The following AGAP1 variants were observed in gnomAD, a reference collection of about 807,000 sequenced individuals.
The protein encoded by AGAP1 is ArfGAP with GTPase domain, ankyrin repeat and PH domain 1, also known as arf-GAP with GTPase, ANK repeat and PH domain-containing protein 1.
A neutral mutation model predicts 105.3 loss-of-function variants in AGAP1; 29 were observed. That is an observed-to-expected ratio of 0.28 (90% CI 0.21 to 0.38). The LOEUF is 0.38. Among genes scored for constraint, AGAP1 ranks in the 10% least tolerant of loss-of-function variants. The pLI is 1.00. For missense variants in AGAP1, 998 were observed against 1,165.1 expected (o/e 0.86, Z 2.09); for synonymous variants, 509 against 485.9 (o/e 1.05, Z -0.63).
At position 235,737,730 on chromosome 2, in the gene AGAP1, G is replaced by A. The variant is rs115917601; in HGVS notation, c.311-3233G>A. Among the ~76,000 whole-genome samples the A allele has an allele frequency of 9.4e-3, 1,424 of 152,168 alleles. 18 individuals are homozygous for A. Among genetic ancestry groups the A allele is most frequent in the African/African-American group, 0.031 (1,276 of 41,508 alleles). On this transcript the variant is annotated intron_variant, in intron 3 of 17. Coordinates refer to ENST00000304032, the MANE Select transcript of AGAP1 (RefSeq NM_001037131.3). This position sits in a 1 kb window ranked among gnomAD's most constrained non-coding sequence, Gnocchi z 4.5. ...CATTCCACGAGAGCTGGGTGGTGAC[G>A]CTCCCCAAGTTCCCACTCCTGGAGA... is the stretch of plus-strand genomic sequence containing the variant.
At chr2:235,504,274 G>T (rs1448884110) in intron 1 of AGAP1, among the ~76,000 whole-genome samples, 2 of 152,200 alleles carry the variant, frequency 1.3e-5, no homozygotes, top group African/African-American at 4.8e-5. Context: ...CTGTCGTGAG[G>T]GTCGTTAGAA....
Position 235,992,236 on chromosome 2 carries a change from G to A in AGAP1, c.1645+23613G>A, listed in dbSNP as rs536123644. Among the ~76,000 whole-genome samples the A allele has an allele frequency of 3.7e-4, 56 of 152,174 alleles. No homozygotes were observed. The highest frequency in any genetic ancestry group is 1.2e-3 in the African/African-American group (49 of 41,546). On this transcript the variant is annotated intron_variant, in intron 13 of 17. Transcript: ENST00000304032. This position sits in a 1 kb window ranked among gnomAD's most constrained non-coding sequence, Gnocchi z 4.8. The stretch of plus-strand genomic sequence containing the variant: ...GGGTCCATGTTGCGTGGTTAGGAGC[G>A]CAGCGGAGGAGCCGGTCTTCCTGGG...
rs930592326 is a variant in AGAP1 at position 235,715,580 on chromosome 2, A to T, written c.223-1977A>T. On this transcript the variant is annotated intron_variant, in intron 2 of 17. Coordinates refer to ENST00000304032, the MANE Select transcript of AGAP1 (RefSeq NM_001037131.3). Reference sequence around the variant, plus strand: ...TGTGTGCGAGGATTTGGAAGGAGACAGTTTGTTCCTAAAATGTTTGGAGTT... The same window carrying T: ...TGTGTGCGAGGATTTGGAAGGAGACTGTTTGTTCCTAAAATGTTTGGAGTT... Among the ~76,000 whole-genome samples the T allele has an allele frequency of 2.0e-5, 3 of 152,290 alleles. No individual in the cohort carries two copies. In the East Asian group the frequency reaches 5.8e-4, roughly 29 times the overall value.
At position 235,609,614 on chromosome 2, in the gene AGAP1, A is replaced by G. The variant is rs1574957490; in HGVS notation, c.164-99565A>G. On this transcript the variant is annotated intron_variant, in intron 1 of 17. Coordinates refer to ENST00000304032, the MANE Select transcript of AGAP1 (RefSeq NM_001037131.3). The surrounding 1 kb of genome is among the most constrained non-coding windows in gnomAD (Gnocchi z 5.1). ...CCTGCATGCGCGCTGAGGATGGCAG[A>G]GGGGCTCCTGCCTGTCTCAGTGCTC... 6.6e-6 allele frequency among the ~76,000 whole-genome samples: 1 copy of G among 152,140 alleles called. No individual in the cohort carries two copies. The highest frequency in any genetic ancestry group is 3.4e-3 in the Middle Eastern group (1 of 294).
Position 235,754,146 on chromosome 2 carries a change from C to T in AGAP1, c.673+3658C>T, listed in dbSNP as rs966870562. Among the ~76,000 whole-genome samples the T allele has an allele frequency of 1.3e-4, 20 of 152,264 alleles. No individual in the cohort carries two copies. Among genetic ancestry groups the T allele is most frequent in the African/African-American group, 3.9e-4 (16 of 41,552 alleles). On this transcript the variant is annotated intron_variant, in intron 6 of 17. Coordinates refer to ENST00000304032, the MANE Select transcript of AGAP1 (RefSeq NM_001037131.3). The surrounding 1 kb of genome is among the most constrained non-coding windows in gnomAD (Gnocchi z 4.6). Reference sequence around the variant, plus strand: ...GAGAGCCTCGACTTAACCACAGCACCGGGACATTTTGTCATTAAAATGGAA... The same window carrying T: ...GAGAGCCTCGACTTAACCACAGCACTGGGACATTTTGTCATTAAAATGGAA...
chr2:235,698,576 T>C (rs996604543), intron 1 of AGAP1, among the ~76,000 whole-genome samples: 3 of 152,232 alleles, frequency 2.0e-5, no homozygotes, highest in African/African-American at 7.2e-5. Context: ...TTAAAATGTT[T>C]TAAAGCATTC....
Position 236,019,911 on chromosome 2 carries a change from C to T in AGAP1, c.1646-16650C>T, listed in dbSNP as rs143879721. 5.8e-3 allele frequency among the ~76,000 whole-genome samples: 880 copies of T among 152,356 alleles called. 3 individuals are homozygous for T. Among genetic ancestry groups the T allele is most frequent in the African/African-American group, 0.02 (830 of 41,586 alleles). On this transcript the variant is annotated intron_variant, in intron 13 of 17. Coordinates refer to ENST00000304032, the MANE Select transcript of AGAP1 (RefSeq NM_001037131.3). The stretch of plus-strand genomic sequence containing the variant: ...TCTCCCCAGTGCCCCGTGTGGGTCC[C>T]CACTGTGAGAGGCTGCCTTCCAGAA...
At chr2:235,516,068 C>CTGCTGG (rs1394411270) in intron 1 of AGAP1, among the ~76,000 whole-genome samples, 1 of 96,970 alleles carries the variant, frequency 1.0e-5, no homozygotes, top group Non-Finnish European at 2.2e-5. Flanking sequence ...GCTGCTGCTG[C>CTGCTGG]TGCTGCTGCT....
At position 235,769,583 on chromosome 2, in the gene AGAP1, C is replaced by T. The variant is rs928066137; in HGVS notation, c.673+19095C>T. Among the ~76,000 whole-genome samples the T allele has an allele frequency of 3.3e-5, 5 of 152,116 alleles. No homozygotes were observed. Among genetic ancestry groups the T allele is most frequent in the African/African-American group, 4.8e-5 (2 of 41,414 alleles). Reference sequence around the variant, plus strand: ...GTTAGTTGTTCCGTTCATGCTGTTGCGTGAGATAAGTTAGGATGCTCTTGA... The same window carrying T: ...GTTAGTTGTTCCGTTCATGCTGTTGTGTGAGATAAGTTAGGATGCTCTTGA... On this transcript the variant is annotated intron_variant, in intron 6 of 17. Transcript: ENST00000304032. This position sits in a 1 kb window ranked among gnomAD's most constrained non-coding sequence, Gnocchi z 4.4.
At position 235,887,198 on chromosome 2, in the gene AGAP1, C is replaced by T. The variant is rs1271714097; in HGVS notation, c.1155+3749C>T. 2.0e-5 allele frequency among the ~76,000 whole-genome samples: 3 copies of T among 152,140 alleles called. No homozygotes were observed. Among genetic ancestry groups the T allele is most frequent in the Admixed American group, 1.3e-4 (2 of 15,284 alleles). ...CCTTGGCTATCTCCAGGATGTATTA[C>T]GGCAGAAGGACCACTGAGAGTCATT... On this transcript the variant is annotated intron_variant, in intron 10 of 17. Transcript: ENST00000304032. This position sits in a 1 kb window ranked among gnomAD's most constrained non-coding sequence, Gnocchi z 4.1.
rs925501744 is a variant in AGAP1 at position 235,787,629 on chromosome 2, G to A, written c.674-10130G>A. On this transcript the variant is annotated intron_variant, in intron 6 of 17. Transcript: ENST00000304032. This position sits in a 1 kb window ranked among gnomAD's most constrained non-coding sequence, Gnocchi z 4.4. ...CTAGCAAATTGCCTGGCATATACTA[G>A]TTGCTCAATAAAAACAGTCAGTAAA... Among the ~76,000 whole-genome samples, 3 of 152,186 alleles carry A rather than the reference G, an allele frequency of 2.0e-5. No individual in the cohort carries two copies. The highest frequency in any genetic ancestry group is 7.2e-5 in the African/African-American group (3 of 41,450).
intron 1 of AGAP1, among the ~76,000 whole-genome samples, chr2:235,522,650 T>C (rs1184483202): frequency 3.9e-5 from 6 of 151,994 alleles, no homozygotes; most frequent in African/African-American, 1.5e-4. Flanking sequence ...GTGATGCCGA[T>C]GAAGAGGCTG....
Position 236,038,444 on chromosome 2 carries a change from C to T in AGAP1, c.1800+1729C>T, listed in dbSNP as rs1039210505. Among the ~76,000 whole-genome samples, 1 of 152,172 alleles carries T rather than the reference C, an allele frequency of 6.6e-6. No homozygotes were observed. The highest frequency in any genetic ancestry group is 1.9e-4 in the East Asian group (1 of 5,194). On this transcript the variant is annotated intron_variant, in intron 14 of 17. Coordinates refer to ENST00000304032, the MANE Select transcript of AGAP1 (RefSeq NM_001037131.3). This position sits in a 1 kb window ranked among gnomAD's most constrained non-coding sequence, Gnocchi z 4.5. ...TCCCATTCCACACCTTGCCAGGCTC[C>T]TCCTGACTCGTGTCTCAGCTCATGC...
intron 9 of AGAP1, among the ~76,000 whole-genome samples, chr2:235,853,822 C>T (rs1168139937): frequency 1.3e-5 from 2 of 151,836 alleles, no homozygotes; most frequent in African/African-American, 2.4e-5. Flanking sequence ...TGGTCGCTAG[C>T]TTGTTTTGGT....
In AGAP1 at chr2:235,555,714, T is replaced by G. The variant is rs148993984; in HGVS notation, c.163+60865T>G. On this transcript the variant is annotated intron_variant, in intron 1 of 17. Coordinates refer to ENST00000304032, the MANE Select transcript of AGAP1 (RefSeq NM_001037131.3). The surrounding 1 kb of genome is among the most constrained non-coding windows in gnomAD (Gnocchi z 5.1). ...TCTGCTTTGGCCTTGTCAGTCTCCT[T>G]CTGTGATTCAGACCGTAGTGAAGCC... Among the ~76,000 whole-genome samples the G allele has an allele frequency of 2.0e-5, 3 of 152,344 alleles. No individual in the cohort carries two copies. The East Asian group carries it at 5.8e-4, about 29-fold the overall frequency.
In AGAP1 at chr2:235,721,465, T is replaced by C. The variant is rs1290163764; in HGVS notation, c.310+3821T>C. Among the ~76,000 whole-genome samples the C allele has an allele frequency of 3.4e-5, 5 of 146,060 alleles. No homozygotes were observed. The highest frequency in any genetic ancestry group is 7.5e-5 in the Non-Finnish European group (5 of 66,718). ...AGAGTAAACCTCTTGGATTGACAGA[T>C]TCCTTAATATTATGTGTGTGTGTGT... On this transcript the variant is annotated intron_variant, in intron 3 of 17. Coordinates refer to ENST00000304032, the MANE Select transcript of AGAP1 (RefSeq NM_001037131.3). This position sits in a 1 kb window ranked among gnomAD's most constrained non-coding sequence, Gnocchi z 4.5.
intron 1 of AGAP1, among the ~76,000 whole-genome samples, chr2:235,563,225 GC>G (rs961939247): frequency 1.6e-4 from 24 of 152,184 alleles, no homozygotes; most frequent in South Asian, 8.3e-4. Context: ...CCTTGGCTGT[GC>G]CCCCCTGCCC....
intron 1 of AGAP1, among the ~76,000 whole-genome samples, chr2:235,540,662 GTA>G (rs1943406814): frequency 2.0e-5 from 3 of 152,212 alleles, no homozygotes; most frequent in African/African-American, 7.2e-5. Context: ...CTGGGAGAGA[GTA>G]ATGGTGAGCA....
At chr2:235,809,349 A>G (rs1958008126) in intron 9 of AGAP1, among the ~76,000 whole-genome samples, 2 of 152,110 alleles carry the variant, frequency 1.3e-5, no homozygotes, top group Admixed American at 1.3e-4. Context: ...TTGAAATCTA[A>G]ATCATGGTCT....
Sources: allele counts gnomAD v4.1 joint callset (sites outside exome capture counted in the v4.1 genomes callset), GRCh38; gene constraint gnomAD v4.1.1; non-coding constraint Gnocchi (gnomAD v3.1); transcripts MANE v1.5; gene names NCBI Gene and HGNC (gene_info 2026-07-23, HGNC 2026-07-21).